The following CCDC93 variants were observed in gnomAD, a reference collection of about 807,000 sequenced individuals.
CCDC93 encodes the protein coiled-coil domain-containing protein 93.
CCDC93 carries 61 observed loss-of-function variants against 108.2 expected under a neutral mutation model. The observed-to-expected ratio is 0.56, with a 90% CI of 0.46 to 0.70. CCDC93 has a LOEUF of 0.70. Among genes scored for constraint, CCDC93 ranks in the 30% least tolerant of loss-of-function variants. The pLI is 0.00. For missense variants in CCDC93, 685 were observed against 764.2 expected (o/e 0.90, Z 1.22); for synonymous variants, 276 against 260.4 (o/e 1.06, Z -0.58).
intron 11 of CCDC93, among the ~76,000 whole-genome samples, chr2:117,970,545 CT>C (rs1679727382): frequency 6.6e-6 from 1 of 152,148 alleles, no homozygotes; most frequent in Non-Finnish European, 1.5e-5. Context: ...CTGAGAAATA[CT>C]TGCATCACAG....
intron 1 of CCDC93, 64 bp from the exon 2 acceptor site, chr2:118,008,722 T>TC: frequency 1.0e-6 from 1 of 965,582 alleles, no homozygotes; most frequent in Non-Finnish European, 1.6e-6. Flanking sequence ...ACCAGGTATA[T>TC]CCCCTGATGC....
intron 13 of CCDC93, chr2:117,950,267 TG>T: frequency 2.0e-6 from 2 of 985,348 alleles, no homozygotes; most frequent in South Asian, 9.4e-5. Context: ...TTAAAAAAGA[TG>T]TATCAATTCA....
At chr2:117,931,364 CTG>C in intron 22 of CCDC93, 1 of 455,686 alleles carries the variant, frequency 2.2e-6, no homozygotes, top group East Asian at 3.9e-5. Context: ...TGAGTATTAA[CTG>C]TTTCCATTTT....
At chr2:117,985,161 A>G (rs942678218) in intron 7 of CCDC93, among the ~76,000 whole-genome samples, 8 of 151,294 alleles carry the variant, frequency 5.3e-5, no homozygotes, top group Admixed American at 2.0e-4. Flanking sequence ...AAAAAAAAAC[A>G]TAAGCAATTG....
intron 11 of CCDC93, among the ~76,000 whole-genome samples, chr2:117,969,597 T>C (rs758485750): frequency 6.6e-6 from 1 of 152,220 alleles, no homozygotes; most frequent in Non-Finnish European, 1.5e-5. Context: ...TAGCAAGGCA[T>C]TGATGTTGGT....
intron 11 of CCDC93, among the ~76,000 whole-genome samples, chr2:117,971,911 A>T (rs942047773): frequency 6.6e-6 from 1 of 152,244 alleles, no homozygotes; most frequent in Non-Finnish European, 1.5e-5. Context: ...TACCTACCCA[A>T]TGAAAACAAC....
intron 6 of CCDC93, among the ~76,000 whole-genome samples, chr2:117,988,007 T>A (rs186204009): frequency 6.6e-6 from 1 of 152,014 alleles, no homozygotes; most frequent in South Asian, 2.1e-4. Context: ...CAGTAAGCGA[T>A]AAAAACAGGA....
chr2:117,974,932 G>T, intron 9 of CCDC93, 32 bp from the exon 10 acceptor site: 1 of 1,548,282 alleles, frequency 6.5e-7, no homozygotes, highest in Non-Finnish European at 8.8e-7. Context: ...GCAGCAGTGA[G>T]TGGTTCTGAA....
At chr2:117,946,989 T>G in intron 15 of CCDC93, 107 bp from the exon 16 acceptor site, 1 of 867,846 alleles carries the variant, frequency 1.2e-6, no homozygotes, top group Non-Finnish European at 1.9e-6. Context: ...ATGAGTTTAT[T>G]CTGGGACGAA....
intron 8 of CCDC93, among the ~76,000 whole-genome samples, chr2:117,977,710 T>G (rs1679986643): frequency 6.6e-6 from 1 of 152,180 alleles, no homozygotes; most frequent in Admixed American, 6.5e-5. Context: ...GCAGTGGACT[T>G]CACCTTCATA....
At chr2:117,979,929 C>T (rs1680061973) in intron 7 of CCDC93, among the ~76,000 whole-genome samples, 2 of 152,132 alleles carry the variant, frequency 1.3e-5, no homozygotes, top group African/African-American at 4.8e-5. Context: ...CAATATGGAA[C>T]AGTTAAAGGA....
intron 20 of CCDC93, among the ~76,000 whole-genome samples, chr2:117,937,144 G>A (rs1386760636): frequency 2.0e-5 from 3 of 152,214 alleles, no homozygotes; most frequent in Non-Finnish European, 4.4e-5. Flanking sequence ...AGACAGTGTG[G>A]AAAGTGAGAG....
intron 7 of CCDC93, 145 bp downstream of exon 7, chr2:117,985,824 C>A: frequency 1.8e-6 from 1 of 566,912 alleles, no homozygotes; most frequent in Non-Finnish European, 3.2e-6. Context: ...TAATTCATTA[C>A]CAGAGAAAAG....
In CCDC93 at chr2:117,920,056, C is replaced by T. The variant is rs545925895; in HGVS notation, c.*287G>A. 3.4e-5 allele frequency: 10 copies of T among 292,622 alleles called. No homozygotes were observed. Among genetic ancestry groups the T allele is most frequent in the African/African-American group, 6.4e-5 (3 of 46,994 alleles). The allele number at this position is 292,622 out of a possible 1,614,324, so 18.1% of individuals were successfully genotyped here. On this transcript the variant is annotated 3_prime_UTR_variant, in exon 24 of 24. Transcript: ENST00000376300. ...ATACAAATACAGGTACCTTCATAAG[C>T]GCAATGTTACTGGAGACATAAAAGT...
rs1216161934 is a variant in CCDC93, at chr2:117,952,412, T to C, written c.1029A>G (p.Leu343=). 5 of 1,613,374 alleles carry C rather than the reference T, an allele frequency of 3.1e-6. No individual in the cohort carries two copies. In the South Asian group the frequency reaches 3.3e-5, roughly 11 times the overall value. ...LEELRASHTS[L]QARYNEAKKT... is the part of the protein sequence containing the mutation. ...TCTTGGCTTCATTATATCTGGCTTG[T>C]AGGCTGGTGTGACTTGCTCGCAGCT... is the stretch of plus-strand genomic sequence containing the variant. Residue 343 remains leucine (L), a synonymous_variant, in exon 13 of 24, where the codon CTA becomes CTG. Coordinates refer to ENST00000376300, the MANE Select transcript of CCDC93 (RefSeq NM_019044.5).
chr2:117,973,303 A>C (rs1476535203), intron 11 of CCDC93, among the ~76,000 whole-genome samples: 3 of 151,992 alleles, frequency 2.0e-5, no homozygotes, highest in Admixed American at 6.6e-5. Context: ...TGTCCTGTAA[A>C]TCTGATTTTA....
intron 7 of CCDC93, among the ~76,000 whole-genome samples, chr2:117,980,614 A>G (rs1680086980): frequency 6.6e-6 from 1 of 152,218 alleles, no homozygotes; most frequent in Non-Finnish European, 1.5e-5. Flanking sequence ...ATCCCTCATG[A>G]GTAATCCGCT....
At chr2:117,967,514 T>C (rs1157670752) in intron 11 of CCDC93, among the ~76,000 whole-genome samples, 2 of 152,162 alleles carry the variant, frequency 1.3e-5, no homozygotes, top group African/African-American at 2.4e-5. Flanking sequence ...AGGTAGGCAG[T>C]TGAATAGTGG....
chr2:117,923,266 G>A lies in CCDC93; in HGVS notation c.1843-2870C>T, dbSNP rs566670741. ...CTCACTGGGGAGTGTCAGAAAGTGG[G>A]TGCAAGACAGCGCGTGCAGTGCACT... On this transcript the variant is annotated intron_variant, in intron 23 of 23. Transcript: ENST00000376300. Among the ~76,000 whole-genome samples, 4 of 152,246 alleles carry A rather than the reference G, an allele frequency of 2.6e-5. No homozygotes were observed. In the East Asian group the frequency reaches 5.8e-4, roughly 22 times the overall value.
Sources: gnomAD v4.1 joint callset for allele counts (sites outside exome capture counted in the v4.1 genomes callset) on GRCh38, gnomAD v4.1.1 for gene constraint, MANE v1.5 for transcripts, NCBI Gene and HGNC (gene_info 2026-07-23, HGNC 2026-07-21) for gene names.